The following TRIM37 variants were observed in gnomAD, a reference collection of about 807,000 sequenced individuals.
TRIM37 encodes the protein E3 ubiquitin-protein ligase TRIM37.
A neutral mutation model predicts 129.8 loss-of-function variants in TRIM37; 80 were observed. The observed-to-expected ratio is 0.62, with a 90% confidence interval of 0.51 to 0.74. The LOEUF (loss-of-function observed/expected upper bound fraction) is 0.74. TRIM37 is among the 30% of genes least tolerant of loss of function. The probability of loss-of-function intolerance (pLI) is 0.00; values close to 1 mark genes in which losing one functional copy is unlikely to be tolerated. For missense variants in TRIM37, 1,054 were observed against 1,176.5 expected, an observed-to-expected ratio of 0.90 and a Z score of 1.52; for synonymous variants, 389 against 387.1, an observed-to-expected ratio of 1.00 and a Z score of -0.06.
chr17:59,043,488 T>G (rs2039468411), intron 16 of TRIM37, among the ~76,000 whole-genome samples: 1 of 152,166 alleles, frequency 6.6e-6, no homozygotes, highest in Non-Finnish European at 1.5e-5. Context: ...ACTGGTGCAG[T>G]GAAGAACACA....
At chr17:58,975,560 G>A in the TRIM37 span, among the ~76,000 whole-genome samples, 3 of 152,156 alleles carry the variant, frequency 2.0e-5, no homozygotes, top group Admixed American at 6.5e-5. Flanking sequence ...GGAGGATAAT[G>A]TGCTGGGAAG....
chr17:59,081,964 A>ATT (rs1555688977), intron 5 of TRIM37, among the ~76,000 whole-genome samples: 6 of 87,228 alleles, frequency 6.9e-5, no homozygotes, highest in African/African-American at 3.0e-4. Context: ...AAAAAAAAAA[A>ATT]AATAATAATA....
At chr17:58,968,130 CGTCCTTCAT>C in the TRIM37 span, among the ~76,000 whole-genome samples, 52 of 152,052 alleles carry the variant, frequency 3.4e-4, 1 homozygote, top group Non-Finnish European at 1.3e-4. Context: ...TTGTTTAATC[CGTCCTTCAT>C]GTCATTAAAG....
At chr17:58,972,897 T>G in the TRIM37 span, 1 of 1,613,176 alleles carries the variant, frequency 6.2e-7, no homozygotes, top group Non-Finnish European at 8.5e-7. Flanking sequence ...GGAGGGTGAA[T>G]GGAAGTCTGT....
downstream of TRIM37, chr17:58,979,939 A>G: frequency 6.5e-7 from 1 of 1,539,164 alleles, no homozygotes; most frequent in Non-Finnish European, 8.8e-7. Flanking sequence ...GGTAAAACAA[A>G]TGCTAATGAT....
At chr17:59,017,876 G>A (rs756639812) in intron 19 of TRIM37, among the ~76,000 whole-genome samples, 7 of 152,026 alleles carry the variant, frequency 4.6e-5, no homozygotes, top group Non-Finnish European at 8.8e-5. Context: ...TCCACCTGCC[G>A]CGGCCTCCCA....
chr17:58,970,400 T>C, the TRIM37 span, among the ~76,000 whole-genome samples: 6 of 152,150 alleles, frequency 3.9e-5, no homozygotes, highest in African/African-American at 1.4e-4. Flanking sequence ...TTAACTACAG[T>C]GTTCTATATT....
intron 19 of TRIM37, among the ~76,000 whole-genome samples, chr17:59,024,081 G>A (rs1027623447): frequency 6.6e-6 from 1 of 151,876 alleles, no homozygotes; most frequent in East Asian, 1.9e-4. Context: ...GGGCGTGGTG[G>A]CATGTGCCTC....
intron 10 of TRIM37, 31 bp from the exon 11 acceptor site, chr17:59,062,679 A>C: frequency 6.3e-7 from 1 of 1,587,588 alleles, no homozygotes; most frequent in African/African-American, 1.3e-5. Flanking sequence ...CCAAATCCCA[A>C]GATCAAAACT....
chr17:58,990,118 G>C (rs200022000), intron 24 of TRIM37, among the ~76,000 whole-genome samples: 3 of 143,678 alleles, frequency 2.1e-5, no homozygotes, highest in East Asian at 2.1e-4. Flanking sequence ...GGTTGAGGCT[G>C]CAGTAAGCTG....
At chr17:59,025,942 T>C (rs1425699876) in intron 19 of TRIM37, among the ~76,000 whole-genome samples, 2 of 152,222 alleles carry the variant, frequency 1.3e-5, no homozygotes, top group Non-Finnish European at 2.9e-5. Flanking sequence ...GGCCTATTCA[T>C]AACCTTTATT....
the TRIM37 span, among the ~76,000 whole-genome samples, chr17:58,968,455 A>G: frequency 6.6e-6 from 1 of 152,172 alleles, no homozygotes; most frequent in Non-Finnish European, 1.5e-5. Context: ...GAACTTTTTC[A>G]AAGTACAGAT....
intron 18 of TRIM37, 75 bp from the exon 19 acceptor site, chr17:59,028,798 A>T: frequency 6.7e-7 from 1 of 1,494,042 alleles, no homozygotes; most frequent in Non-Finnish European, 9.3e-7. Flanking sequence ...GAATATATGC[A>T]AATTTGATGT....
At chr17:59,072,255 C>A (rs912514985) in intron 8 of TRIM37, among the ~76,000 whole-genome samples, 3 of 152,148 alleles carry the variant, frequency 2.0e-5, no homozygotes, top group African/African-American at 7.2e-5. Context: ...AGACTTCCAG[C>A]CCCTAGAATA....
intron 11 of TRIM37, among the ~76,000 whole-genome samples, chr17:59,062,030 A>T (rs905919497): frequency 5.2e-4 from 75 of 145,102 alleles, no homozygotes; most frequent in Admixed American, 2.1e-4. Context: ...AAACTTTTCT[A>T]AAAAAAAAAA....
At chr17:59,106,240 G>A (rs1349859302) in intron 1 of TRIM37, among the ~76,000 whole-genome samples, 5 of 152,234 alleles carry the variant, frequency 3.3e-5, no homozygotes, top group Admixed American at 2.0e-4. Flanking sequence ...CGCACCACCT[G>A]ACTGCGGAAC....
chr17:59,050,008 A>G (rs577760107), intron 14 of TRIM37, among the ~76,000 whole-genome samples: 29 of 152,248 alleles, frequency 1.9e-4, no homozygotes, highest in African/African-American at 7.0e-4. Flanking sequence ...ATTTATTCAC[A>G]TTTTCCTCCC....
intron 24 of TRIM37, chr17:58,983,468 T>C (rs1012502628): frequency 2.0e-5 from 3 of 152,748 alleles, no homozygotes; most frequent in Admixed American, 1.3e-4. Flanking sequence ...CCACTGGTGA[T>C]AGGAAGTAGT....
At chr17:59,099,171 G>C (rs943021721) in intron 2 of TRIM37, among the ~76,000 whole-genome samples, 10 of 152,002 alleles carry the variant, frequency 6.6e-5, no homozygotes, top group African/African-American at 2.4e-4. Flanking sequence ...GACAGAGCGA[G>C]GCTCTGTCTC....
Sources: gnomAD v4.1 joint callset for allele counts (sites outside exome capture counted in the v4.1 genomes callset) on GRCh38, gnomAD v4.1.1 for gene constraint, MANE v1.5 for transcripts, NCBI Gene and HGNC (gene_info 2026-07-23, HGNC 2026-07-21) for gene names.